Variants in LAMA2 observed in about 807,000 individuals in gnomAD.
LAMA2 encodes the protein laminin subunit alpha 2, also known as laminin subunit alpha-2.
Under a neutral mutation model 364.8 loss-of-function variants are expected in LAMA2, and 269 were observed. The observed-to-expected ratio is 0.74, with a 90% confidence interval of 0.67 to 0.82. LAMA2 has a LOEUF of 0.82. LAMA2 is among the 40% of genes least tolerant of loss of function. LAMA2 has a pLI of 0.00. For synonymous variants in LAMA2, 1,379 were observed against 1,370.6 expected (o/e 1.01, Z -0.14); for missense variants, 3,807 against 3,873.2 (o/e 0.98, Z 0.45).
intron 3 of LAMA2, among the ~76,000 whole-genome samples, chr6:129,065,546 A>C (rs1272849260): frequency 6.6e-6 from 1 of 152,224 alleles, no homozygotes; most frequent in Admixed American, 6.5e-5. Context: ...CTAATAAACA[A>C]ATTCTGTAAA....
At chr6:129,295,215 A>C (rs966960173) in intron 20 of LAMA2, among the ~76,000 whole-genome samples, 3 of 152,162 alleles carry the variant, frequency 2.0e-5, no homozygotes, top group Non-Finnish European at 4.4e-5. Flanking sequence ...GAGAATGACA[A>C]CTCTCTGCCA....
chr6:128,906,383 C>T (rs1314389651), intron 1 of LAMA2, among the ~76,000 whole-genome samples: 1 of 130,482 alleles, frequency 7.7e-6, no homozygotes, highest in African/African-American at 3.1e-5. Flanking sequence ...CTCTGATGGC[C>T]AGTGATGATG....
chr6:129,092,325 C>T (rs1234225513), intron 3 of LAMA2, among the ~76,000 whole-genome samples: 3 of 152,092 alleles, frequency 2.0e-5, no homozygotes, highest in Non-Finnish European at 4.4e-5. Context: ...GAGACATTAC[C>T]TGCAGTTCTA....
chr6:128,959,070 A>C (rs1003078187), intron 1 of LAMA2, among the ~76,000 whole-genome samples: 12 of 152,160 alleles, frequency 7.9e-5, no homozygotes, highest in Admixed American at 7.2e-4. Flanking sequence ...TCTGTGGTGC[A>C]CTGTGTCTCT....
intron 12 of LAMA2, among the ~76,000 whole-genome samples, chr6:129,209,412 G>T (rs999966279): frequency 2.0e-5 from 3 of 152,158 alleles, no homozygotes; most frequent in African/African-American, 7.2e-5. Context: ...AATTTCTGTT[G>T]TACAAAGCTC....
intron 1 of LAMA2, chr6:128,929,912 G>A (rs369818291): frequency 2.4e-6 from 2 of 839,524 alleles, no homozygotes; most frequent in East Asian, 5.0e-5. Context: ...GTGCAGGTAC[G>A]CAGCAAGCAG....
rs571348536 is a variant in LAMA2 at position 128,997,315 on chromosome 6, A to G, written c.113-52603A>G. 6.2e-5 allele frequency among the ~76,000 whole-genome samples: 9 copies of G among 146,282 alleles called. No homozygotes were observed. The South Asian group carries it at 2.1e-3, about 34-fold the overall frequency. ...AAGAGAAAAGAAGAAAGAAAGAAAC[A>G]AAGAGAGAGAGAGAAAGAAAGAGAA... On this transcript the variant is annotated intron_variant, in intron 1 of 64. Transcript: ENST00000421865.
In LAMA2 at chr6:129,497,654, C is replaced by A. The variant is rs9492333; in HGVS notation, c.8245-5005C>A. The stretch of plus-strand genomic sequence containing the variant: ...TGCTAGCACAGTTGACAGAAAAGAT[C>A]TATTCTCAGTGCCCTTCTTTTTCTT... On this transcript the variant is annotated intron_variant, in intron 58 of 64. Coordinates refer to ENST00000421865, the MANE Select transcript of LAMA2 (RefSeq NM_000426.4). 3.2e-3 allele frequency among the ~76,000 whole-genome samples: 457 copies of A among 143,886 alleles called. 1 individual carries two copies. The highest frequency in any genetic ancestry group is 0.012 in the African/African-American group (439 of 35,972). 94.4% of individuals were successfully genotyped at this position (143,886 alleles called of 152,430 possible).
At chr6:129,429,289 A>G (rs1278157553) in intron 41 of LAMA2, among the ~76,000 whole-genome samples, 1 of 152,168 alleles carries the variant, frequency 6.6e-6, no homozygotes, top group East Asian at 1.9e-4. Context: ...TGCATAACAG[A>G]TGTATAAATT....
chr6:129,179,280 T>G (rs1474464853), intron 10 of LAMA2, among the ~76,000 whole-genome samples: 1 of 152,076 alleles, frequency 6.6e-6, no homozygotes, highest in Non-Finnish European at 1.5e-5. Context: ...CTTTACCACT[T>G]GCTCAAATAA....
At chr6:129,114,158 T>TA in intron 4 of LAMA2, among the ~76,000 whole-genome samples, 1 of 151,998 alleles carries the variant, frequency 6.6e-6, no homozygotes, top group East Asian at 1.9e-4. Context: ...ATTTATATAT[T>TA]AAAAAATCCC....
intron 9 of LAMA2, among the ~76,000 whole-genome samples, chr6:129,173,015 C>G (rs1050552039): frequency 1.3e-5 from 2 of 152,234 alleles, no homozygotes; most frequent in Admixed American, 1.3e-4. Context: ...GAGGCAATGC[C>G]TCGCCCTGCT....
chr6:129,094,408 G>A (rs553811508), intron 3 of LAMA2, among the ~76,000 whole-genome samples: 10 of 152,304 alleles, frequency 6.6e-5, no homozygotes, highest in African/African-American at 2.2e-4. Context: ...CCGTGTCACT[G>A]CTGGCAGTTA....
chr6:129,125,326 A>G (rs936643309), intron 4 of LAMA2, among the ~76,000 whole-genome samples: 3 of 152,244 alleles, frequency 2.0e-5, no homozygotes, highest in South Asian at 2.1e-4. Context: ...TCTGGAATTC[A>G]GATGAGAAAT....
At chr6:129,168,181 T>G (rs867184768) in intron 9 of LAMA2, among the ~76,000 whole-genome samples, 107 of 148,270 alleles carry the variant, frequency 7.2e-4, no homozygotes, top group South Asian at 2.6e-3. Context: ...AGATCCCATT[T>G]GTCAATTTTG....
At chr6:129,481,232 G>T (rs1290856182) in intron 54 of LAMA2, 31 bp from the exon 55 acceptor site, 1 of 1,586,466 alleles carries the variant, frequency 6.3e-7, no homozygotes. Context: ...CATTTCTAAT[G>T]GTTTCTACTC....
At chr6:129,297,599 C>A in intron 20 of LAMA2, 86 bp from the exon 21 acceptor site, 1 of 1,276,682 alleles carries the variant, frequency 7.8e-7, no homozygotes, top group Non-Finnish European at 1.1e-6. Context: ...TTCCTCTGTT[C>A]CCACCTGATC....
At chr6:128,931,931 T>C (rs535249563) in intron 1 of LAMA2, among the ~76,000 whole-genome samples, 3 of 152,332 alleles carry the variant, frequency 2.0e-5, no homozygotes, top group East Asian at 3.9e-4. Flanking sequence ...AATGTAATGA[T>C]TGTTCATTAT....
intron 1 of LAMA2, among the ~76,000 whole-genome samples, chr6:128,925,770 A>G (rs1779049570): frequency 6.6e-6 from 1 of 152,140 alleles, no homozygotes; most frequent in Non-Finnish European, 1.5e-5. Context: ...CTGCGTTTAC[A>G]TAGACACAAA....
Sources: allele counts gnomAD v4.1 joint callset (sites outside exome capture counted in the v4.1 genomes callset), GRCh38; gene constraint gnomAD v4.1.1; transcripts MANE v1.5; gene names NCBI Gene and HGNC (gene_info 2026-07-23, HGNC 2026-07-21).